Variants in LRIF1 observed in about 807,000 individuals in gnomAD.
The protein encoded by LRIF1 is ligand-dependent nuclear receptor-interacting factor 1.
LRIF1 carries 32 observed loss-of-function variants against 52.7 expected under a neutral mutation model. That is an observed-to-expected ratio of 0.61 (90% CI 0.46 to 0.82). The LOEUF is 0.82. Among genes scored for constraint, LRIF1 ranks in the 40% least tolerant of loss-of-function variants. The pLI is 0.00. For synonymous variants in LRIF1, 323 were observed against 317.4 expected, an observed-to-expected ratio of 1.02 and a Z score of -0.19; for missense variants, 887 against 892.0, an observed-to-expected ratio of 0.99 and a Z score of 0.07.
At chr1:110,891,192 G>A in the LRIF1 span, among the ~76,000 whole-genome samples, 1 of 152,210 alleles carries the variant, frequency 6.6e-6, no homozygotes, top group Non-Finnish European at 1.5e-5. Context: ...TGCCGAATTG[G>A]GCAAAAACTG....
At chr1:110,959,161 G>T (rs1251142587) in intron 1 of LRIF1, among the ~76,000 whole-genome samples, 3 of 152,058 alleles carry the variant, frequency 2.0e-5, no homozygotes, top group Non-Finnish European at 4.4e-5. Flanking sequence ...AAACCAGCTG[G>T]TGTTCAAACT....
At chr1:110,899,229 C>A in the LRIF1 span, 2 of 1,505,814 alleles carry the variant, frequency 1.3e-6, no homozygotes, top group South Asian at 1.1e-5. Context: ...AGACTTGTTT[C>A]ATCTCCGGAA....
the LRIF1 span, among the ~76,000 whole-genome samples, chr1:110,919,417 G>A: frequency 2.7e-5 from 4 of 149,304 alleles, no homozygotes; most frequent in Non-Finnish European, 4.4e-5. Flanking sequence ...CTCAAACATC[G>A]GACTCCTAGT....
At chr1:110,889,727 C>CA in the LRIF1 span, among the ~76,000 whole-genome samples, 5 of 152,044 alleles carry the variant, frequency 3.3e-5, no homozygotes, top group Non-Finnish European at 5.9e-5. Context: ...GAAATTGTGA[C>CA]TGGAACTGTT....
At chr1:110,959,694 G>A (rs1314479894) in intron 1 of LRIF1, among the ~76,000 whole-genome samples, 3 of 137,192 alleles carry the variant, frequency 2.2e-5, no homozygotes, top group East Asian at 2.1e-4. Context: ...AGGTTGCAGC[G>A]AGCCACTGCA....
chr1:110,960,462 C>T (rs1658905215), intron 1 of LRIF1, among the ~76,000 whole-genome samples: 2 of 152,118 alleles, frequency 1.3e-5, no homozygotes, highest in South Asian at 2.1e-4. Context: ...AGTTTAGCTC[C>T]CCATTTGAAT....
the LRIF1 span, among the ~76,000 whole-genome samples, chr1:110,935,513 A>AT: frequency 1.5e-4 from 23 of 152,328 alleles, 2 homozygotes; most frequent in African/African-American, 4.6e-4. Flanking sequence ...AAGAATTACA[A>AT]TTTTTTCAGC....
At chr1:110,908,492 A>G in the LRIF1 span, among the ~76,000 whole-genome samples, 1 of 152,194 alleles carries the variant, frequency 6.6e-6, no homozygotes, top group African/African-American at 2.4e-5. Context: ...CAATCCACAG[A>G]AAACAGTAAA....
the LRIF1 span, among the ~76,000 whole-genome samples, chr1:110,913,999 G>T: frequency 2.0e-5 from 3 of 152,278 alleles, no homozygotes; most frequent in East Asian, 3.9e-4. Flanking sequence ...CAGCGACATG[G>T]ATGCTTCTGG....
chr1:110,895,069 G>A, the LRIF1 span: 2 of 1,578,224 alleles, frequency 1.3e-6, no homozygotes, highest in Non-Finnish European at 1.7e-6. Context: ...AGTACAGGTG[G>A]AATCCTCTTC....
chr1:110,913,161 AT>A, the LRIF1 span, among the ~76,000 whole-genome samples: 1 of 152,218 alleles, frequency 6.6e-6, no homozygotes, highest in African/African-American at 2.4e-5. Flanking sequence ...ACCATATACA[AT>A]AATCAAATCA....
chr1:110,892,605 T>A, the LRIF1 span: 1 of 1,246,022 alleles, frequency 8.0e-7, no homozygotes, highest in Admixed American at 1.9e-5. Flanking sequence ...AGATGTTTCT[T>A]GGTAGATCAC....
the LRIF1 span, among the ~76,000 whole-genome samples, chr1:110,888,730 T>G: frequency 6.6e-6 from 1 of 152,250 alleles, no homozygotes; most frequent in African/African-American, 2.4e-5. Context: ...TAATCCATAT[T>G]GAAAAATTAC....
chr1:110,938,169 G>GA, the LRIF1 span: 14 of 152,076 alleles, frequency 9.2e-5, no homozygotes, highest in African/African-American at 2.4e-5. Flanking sequence ...AAACTATTCT[G>GA]AAAAAATGAG....
the LRIF1 span, among the ~76,000 whole-genome samples, chr1:110,924,956 T>C: frequency 6.6e-6 from 1 of 152,178 alleles, no homozygotes; most frequent in African/African-American, 2.4e-5. Flanking sequence ...TCAACAGATG[T>C]CCAGAAAGTA....
At position 110,947,739 on chromosome 1, in the gene LRIF1, A is replaced by C. The variant is rs1289893704; in HGVS notation, c.*220T>G. The C allele has an allele frequency of 1.4e-5, 6 of 415,084 alleles. No individual in the cohort carries two copies. Among genetic ancestry groups the C allele is most frequent in the South Asian group, 9.3e-5 (1 of 10,784 alleles). The allele number at this position is 415,084 out of a possible 1,614,324, so 25.7% of individuals were successfully genotyped here. ...GAAAAATATAAAATTTATCCTTCCA[A>C]AAAAAGGTATCTAAGACAAAGGTAT... On this transcript the variant is annotated 3_prime_UTR_variant, in exon 4 of 4. Transcript: ENST00000369763.
rs1299282749 is a variant in LRIF1 at position 110,949,910 on chromosome 1, C to A, written c.1810G>T (p.Val604Leu). 3.1e-6 allele frequency: 5 copies of A among 1,614,084 alleles called. No homozygotes were observed. The East Asian group carries it at 8.9e-5, about 29-fold the overall frequency. ...GTCTCTTTGTAAGTACCACTCTTTA[C>A]CAAACTGCTAAAGGAATCGAAACCT... ...GEGFDSFSSL[V>L]KSGTYKETEF... is the part of the protein sequence containing the mutation. Residue 604 changes from valine (V) to leucine (L), a missense_variant, in exon 3 of 4, where the codon GTA becomes TTA. By Grantham distance (32) the Val-to-Leu change is conservative. Coordinates refer to ENST00000369763, the MANE Select transcript of LRIF1 (RefSeq NM_018372.4).
the LRIF1 span, chr1:110,892,345 AT>A: frequency 6.2e-7 from 1 of 1,613,498 alleles, no homozygotes; most frequent in Middle Eastern, 1.6e-4. Context: ...TTCCTTTCAG[AT>A]CTGTGGCTGC....
the LRIF1 span, among the ~76,000 whole-genome samples, chr1:110,919,264 G>T: frequency 3.8e-5 from 1 of 26,136 alleles, no homozygotes; most frequent in African/African-American, 2.5e-4. Context: ...TCACTGGGCT[G>T]GGGAAGGCAG....
Sources: gnomAD v4.1 joint callset for allele counts (sites outside exome capture counted in the v4.1 genomes callset) on GRCh38, gnomAD v4.1.1 for gene constraint, MANE v1.5 for transcripts, NCBI Gene and HGNC (gene_info 2026-07-23, HGNC 2026-07-21) for gene names.